Variants in LINGO3 observed in about 807,000 individuals in gnomAD.
The protein encoded by LINGO3 is leucine rich repeat and Ig domain containing 3, also known as leucine-rich repeat and immunoglobulin-like domain-containing nogo receptor-interacting protein 3.
For synonymous variants in LINGO3, 427 were observed against 444.2 expected (o/e 0.96, Z 0.49); for missense variants, 750 against 867.7 (o/e 0.86, Z 1.70).
the LINGO3 span, among the ~76,000 whole-genome samples, chr19:2,302,554 C>T: frequency 2.0e-5 from 3 of 152,238 alleles, no homozygotes; most frequent in Non-Finnish European, 4.4e-5. Context: ...ACCTTCCTGC[C>T]TCCCCTCCCC....
At chr19:2,303,788 A>T in the LINGO3 span, among the ~76,000 whole-genome samples, 3 of 152,212 alleles carry the variant, frequency 2.0e-5, no homozygotes, top group East Asian at 1.9e-4. Context: ...CCACACGCAG[A>T]GCTGTGGCCA....
At chr19:2,305,507 C>T in the LINGO3 span, among the ~76,000 whole-genome samples, 45 of 152,226 alleles carry the variant, frequency 3.0e-4, no homozygotes, top group African/African-American at 9.9e-4. Flanking sequence ...CTGGCTAAGC[C>T]CCCGGCCCTT....
chr19:2,301,820 T>C, the LINGO3 span, among the ~76,000 whole-genome samples: 2 of 147,216 alleles, frequency 1.4e-5, no homozygotes, highest in South Asian at 2.1e-4. Context: ...CCCAGCTACT[T>C]GGGAGGCTGA....
upstream of LINGO3, among the ~76,000 whole-genome samples, chr19:2,296,012 C>T (rs772809808): frequency 7.9e-5 from 12 of 152,210 alleles, no homozygotes; most frequent in Non-Finnish European, 1.2e-4. Flanking sequence ...AGAGAGGGGG[C>T]ATGCCCCCCC....
At chr19:2,305,307 G>A in the LINGO3 span, among the ~76,000 whole-genome samples, 12 of 152,058 alleles carry the variant, frequency 7.9e-5, no homozygotes, top group Non-Finnish European at 1.3e-4. Flanking sequence ...GCAGGACCTG[G>A]GCAATGGAGG....
rs1349554097 is a variant in LINGO3, at chr19:2,290,393, C to T, written c.1384G>A (p.Gly462Arg). Residue 462 changes from glycine (G) to arginine (R), a missense_variant, in exon 1 of 1, where the codon GGG (glycine) becomes AGG (arginine). Coordinates refer to ENST00000585527, the Ensembl canonical transcript of LINGO3. This position sits in a 1 kb window ranked among gnomAD's most constrained non-coding sequence, Gnocchi z 6.0. ...GCGTCCTGGATCTCCAGCGTCCCCC[C>T]GGGGAGCACGCGCGCCCGGCCCGCG... 5 of 1,453,816 alleles carry T rather than the reference C, an allele frequency of 3.4e-6. No homozygotes were observed. Among genetic ancestry groups the T allele is most frequent in the South Asian group, 1.4e-5 (1 of 73,406 alleles). The allele number at this position is 1,453,816 out of a possible 1,614,324, so 90.1% of individuals were successfully genotyped here.
chr19:2,305,166 C>T, the LINGO3 span, among the ~76,000 whole-genome samples: 1 of 152,100 alleles, frequency 6.6e-6, no homozygotes, highest in East Asian at 1.9e-4. Flanking sequence ...CGAGGCCTCC[C>T]GGATCTGTGC....
At chr19:2,288,617 G>A (rs1018684713), downstream of LINGO3, among the ~76,000 whole-genome samples, 2 of 152,226 alleles carry the variant, frequency 1.3e-5, no homozygotes, top group African/African-American at 2.4e-5. The surrounding 1 kb of genome is among the most constrained non-coding windows in gnomAD (Gnocchi z 6.5). Flanking sequence ...GGCAGCGGAG[G>A]GAGGCGGAGG....
chr19:2,304,560 A>G, the LINGO3 span, among the ~76,000 whole-genome samples: 1 of 140,226 alleles, frequency 7.1e-6, no homozygotes, highest in Non-Finnish European at 1.5e-5. Context: ...GGTGAAAGTC[A>G]GAGACTGGAA....
At chr19:2,289,210 G>A (rs188298097), downstream of LINGO3, among the ~76,000 whole-genome samples, 95 of 149,528 alleles carry the variant, frequency 6.4e-4, no homozygotes, top group Non-Finnish European at 7.9e-4. Flanking sequence ...CCGGGTGTGA[G>A]CTGTGTTTCC....
At chr19:2,291,018 G>T in exon 1 of LINGO3, 1 of 1,611,328 alleles carries the variant, frequency 6.2e-7, no homozygotes, top group South Asian at 1.1e-5. Flanking sequence ...TGGTGTGGGT[G>T]ACCGACAGCG....
chr19:2,298,024 G>T, the LINGO3 span, among the ~76,000 whole-genome samples: 1 of 151,302 alleles, frequency 6.6e-6, no homozygotes, highest in Non-Finnish European at 1.5e-5. Context: ...GAGTAGCTGG[G>T]ACTACAGGCG....
chr19:2,289,885 C>G, exon 1 of LINGO3: 2 of 877,362 alleles, frequency 2.3e-6, no homozygotes, highest in Non-Finnish European at 1.7e-6. Context: ...AGGGGAAGTT[C>G]TGCCTGGGGA....
At chr19:2,289,751 C>A, downstream of LINGO3, 1 of 391,020 alleles carries the variant, frequency 2.6e-6, no homozygotes, top group Non-Finnish European at 4.6e-6. Context: ...CACCCCCACC[C>A]CCCAGCTCAG....
chr19:2,289,995 C>T (rs60145876), exon 1 of LINGO3: 204 of 1,521,592 alleles, frequency 1.3e-4, no homozygotes, highest in Non-Finnish European at 1.7e-4. Flanking sequence ...CCCTGGGGAC[C>T]CCTCAGATCA....
the LINGO3 span, among the ~76,000 whole-genome samples, chr19:2,305,259 C>T: frequency 3.3e-5 from 5 of 152,216 alleles, no homozygotes; most frequent in South Asian, 2.1e-4. Context: ...GTGCAGGCAC[C>T]GGCCTTGAGG....
chr19:2,288,876 G>C (rs2025489087), downstream of LINGO3, among the ~76,000 whole-genome samples: 1 of 152,102 alleles, frequency 6.6e-6, no homozygotes, highest in Non-Finnish European at 1.5e-5. This position sits in a 1 kb window ranked among gnomAD's most constrained non-coding sequence, Gnocchi z 6.5. Context: ...GCATGTCCCT[G>C]GTGTGAGCTG....
the LINGO3 span, among the ~76,000 whole-genome samples, chr19:2,303,404 G>A: frequency 3.1e-3 from 465 of 152,200 alleles, 1 homozygote; most frequent in Middle Eastern, 6.8e-3. Flanking sequence ...ACGGGCCCAG[G>A]GAAGACCCTG....
chr19:2,304,745 T>G, the LINGO3 span, among the ~76,000 whole-genome samples: 3 of 114,924 alleles, frequency 2.6e-5, no homozygotes, highest in Non-Finnish European at 3.4e-5. Context: ...TGAGACAGAG[T>G]CTCGCTCTGT....
Sources: allele counts gnomAD v4.1 joint callset (sites outside exome capture counted in the v4.1 genomes callset), GRCh38; gene constraint gnomAD v4.1.1; non-coding constraint Gnocchi (gnomAD v3.1); transcripts MANE v1.5; gene names NCBI Gene and HGNC (gene_info 2026-07-23, HGNC 2026-07-21).